The following DLG5 variants were observed in gnomAD, a reference collection of about 807,000 sequenced individuals.
DLG5 encodes the protein discs large MAGUK scaffold protein 5, also known as disks large homolog 5.
Under a neutral mutation model 189.8 loss-of-function variants are expected in DLG5, and 48 were observed. The ratio of observed to expected loss-of-function variants is 0.25; its 90% CI spans 0.20 to 0.32. DLG5 has a LOEUF of 0.32. Among genes scored for constraint, DLG5 ranks in the 10% least tolerant of loss-of-function variants. DLG5 has a pLI of 1.00. For synonymous variants in DLG5, 1,016 were observed against 1,054.1 expected (o/e 0.96, Z 0.70); for missense variants, 2,160 against 2,544.7 (o/e 0.85, Z 3.25).
rs577371232 is a variant in DLG5 at position 77,863,963 on chromosome 10, C to A, written c.373+5166G>T. On this transcript the variant is annotated intron_variant, in intron 2 of 31. Transcript: ENST00000372391. ...AAGGAAGCAGGACAGAAGGAAGGGG[C>A]TCAGAGCCGTCCCAACACAACCCAT... Among the ~76,000 whole-genome samples, 65 of 152,296 alleles carry A rather than the reference C, an allele frequency of 4.3e-4. 3 individuals carry two copies. The South Asian group carries it at 5.8e-3, about 14-fold the overall frequency.
At chr10:77,915,598 G>C (rs1429825302) in intron 1 of DLG5, among the ~76,000 whole-genome samples, 1 of 152,218 alleles carries the variant, frequency 6.6e-6, no homozygotes, top group East Asian at 1.9e-4. Context: ...GGGGCCTGCA[G>C]AAAAGAACCT....
intron 2 of DLG5, among the ~76,000 whole-genome samples, chr10:77,860,306 T>A (rs1844423332): frequency 6.6e-6 from 1 of 152,156 alleles, no homozygotes; most frequent in South Asian, 2.1e-4. Context: ...TGGTTGGTTT[T>A]GTTTTTTTGA....
intron 1 of DLG5, among the ~76,000 whole-genome samples, chr10:77,910,162 T>G (rs1239614932): frequency 1.3e-5 from 2 of 152,208 alleles, no homozygotes; most frequent in Non-Finnish European, 2.9e-5. Context: ...AATGGACGAA[T>G]GCTGTGACGA....
rs374511025 is a variant in DLG5 at position 77,804,112 on chromosome 10, G to C, written c.5164+1553C>G. 3.3e-5 allele frequency among the ~76,000 whole-genome samples: 5 copies of C among 152,138 alleles called. No homozygotes were observed. The East Asian group carries it at 7.7e-4, about 24-fold the overall frequency. On this transcript the variant is annotated intron_variant, in intron 27 of 31. Transcript: ENST00000372391. The stretch of plus-strand genomic sequence containing the variant: ...TCACCATGTTGGCCAGGCTGGTCTT[G>C]AACTCCCTGCCTCAAGTGATCCACC...
chr10:77,829,779 A>G (rs1842815519), intron 11 of DLG5, among the ~76,000 whole-genome samples: 1 of 152,238 alleles, frequency 6.6e-6, no homozygotes, highest in Non-Finnish European at 1.5e-5. Flanking sequence ...CAGCGTCTTC[A>G]TATGTAAAAT....
At chr10:77,897,927 T>C (rs2154577790) in intron 1 of DLG5, among the ~76,000 whole-genome samples, 1 of 152,222 alleles carries the variant, frequency 6.6e-6, no homozygotes, top group East Asian at 1.9e-4. Flanking sequence ...AGTGGTAGAA[T>C]TTCCAGGCAG....
At chr10:77,793,971 G>T in intron 31 of DLG5, 37 bp downstream of exon 31, 1 of 1,576,696 alleles carries the variant, frequency 6.3e-7, no homozygotes, top group Non-Finnish European at 8.7e-7. Flanking sequence ...TTCCTTCCCT[G>T]CTGCCTGCTC....
chr10:77,872,381 C>A (rs1002785571), intron 1 of DLG5, among the ~76,000 whole-genome samples: 3 of 152,196 alleles, frequency 2.0e-5, no homozygotes, highest in Non-Finnish European at 4.4e-5. Flanking sequence ...ACAGGCCAAG[C>A]GACACGTTCT....
chr10:77,826,102 G>A (rs536829987), intron 13 of DLG5, among the ~76,000 whole-genome samples: 19 of 152,240 alleles, frequency 1.2e-4, no homozygotes, highest in Admixed American at 5.9e-4. Context: ...GGAAGATCTC[G>A]CTGGATGTTA....
chr10:77,814,334 T>G (rs550046323), intron 20 of DLG5, among the ~76,000 whole-genome samples: 1 of 151,832 alleles, frequency 6.6e-6, no homozygotes, highest in South Asian at 2.1e-4. Flanking sequence ...GTAATATGCA[T>G]AGAAGTTTTC....
At chr10:77,939,185 C>G in the DLG5 span, among the ~76,000 whole-genome samples, 2 of 152,042 alleles carry the variant, frequency 1.3e-5, no homozygotes, top group African/African-American at 4.8e-5. Context: ...CGTCTCAAAA[C>G]AAAACAAAAC....
chr10:77,872,849 C>T (rs773474759), intron 1 of DLG5, among the ~76,000 whole-genome samples: 1 of 152,010 alleles, frequency 6.6e-6, no homozygotes, highest in Non-Finnish European at 1.5e-5. Flanking sequence ...TGCCATGGCC[C>T]AATCCAGGAG....
At chr10:77,834,091 G>T in intron 8 of DLG5, 52 bp from the exon 9 acceptor site, 1 of 1,577,574 alleles carries the variant, frequency 6.3e-7, no homozygotes, top group Non-Finnish European at 8.6e-7. Context: ...GGGGAAGGGG[G>T]TTCCTGGTCT....
At chr10:77,826,307 CAGTT>C (rs1343510097) in intron 13 of DLG5, among the ~76,000 whole-genome samples, 9 of 152,180 alleles carry the variant, frequency 5.9e-5, no homozygotes, top group Non-Finnish European at 1.3e-4. Flanking sequence ...GAATGACACG[CAGTT>C]ATATGCCTTG....
intron 13 of DLG5, among the ~76,000 whole-genome samples, chr10:77,828,485 TCAAA>T (rs1842747964): frequency 6.8e-5 from 1 of 14,650 alleles, no homozygotes; most frequent in African/African-American, 5.0e-4. Flanking sequence ...AGACTCCATA[TCAAA>T]AAAAAAAAAA....
chr10:77,806,686 T>A, intron 26 of DLG5, 72 bp downstream of exon 26: 2 of 1,495,336 alleles, frequency 1.3e-6, no homozygotes, highest in Non-Finnish European at 1.8e-6. Context: ...CCCCCTCCCA[T>A]GGGACAGCTC....
intron 1 of DLG5, among the ~76,000 whole-genome samples, chr10:77,911,523 T>G (rs1317947795): frequency 2.0e-5 from 3 of 152,202 alleles, no homozygotes; most frequent in African/African-American, 4.8e-5. Flanking sequence ...GCTGGAAAGA[T>G]CTTTACTACA....
intron 2 of DLG5, chr10:77,867,163 C>G (rs1487361192): frequency 2.3e-6 from 1 of 440,136 alleles, no homozygotes; most frequent in Non-Finnish European, 4.6e-6. Flanking sequence ...CCAGAATATG[C>G]TGGGGTCCAG....
At chr10:77,804,961 A>G (rs1841397189) in intron 27 of DLG5, among the ~76,000 whole-genome samples, 1 of 152,132 alleles carries the variant, frequency 6.6e-6, no homozygotes, top group African/African-American at 2.4e-5. Flanking sequence ...CCCAGCTAAA[A>G]CATGCCTTTT....
Sources: gnomAD v4.1 joint callset for allele counts (sites outside exome capture counted in the v4.1 genomes callset) on GRCh38, gnomAD v4.1.1 for gene constraint, MANE v1.5 for transcripts, NCBI Gene and HGNC (gene_info 2026-07-23, HGNC 2026-07-21) for gene names.